Variants in TMEM254 observed in about 807,000 individuals in gnomAD.
The protein encoded by TMEM254 is transmembrane protein 254.
In TMEM254, 16 loss-of-function variants were observed where a neutral mutation model predicts 13.9. The ratio of observed to expected loss-of-function variants is 1.15; its 90% CI spans 0.78 to 1.75. TMEM254 has a LOEUF of 1.75. TMEM254 is among the 40% of genes most tolerant of loss of function. The probability of loss-of-function intolerance (pLI) is 0.00; values close to 1 mark genes in which losing one functional copy is unlikely to be tolerated. For missense variants in TMEM254, 155 were observed against 149.0 expected (o/e 1.04, Z -0.21); for synonymous variants, 61 against 56.4 (o/e 1.08, Z -0.36).
chr10:80,080,231 G>A (rs990873251), intron 1 of TMEM254, among the ~76,000 whole-genome samples: 1 of 152,254 alleles, frequency 6.6e-6, no homozygotes, highest in Non-Finnish European at 1.5e-5. Flanking sequence ...GGAGGATGCA[G>A]TGATATTTGT....
chr10:80,086,916 A>G (rs1844345312), intron 3 of TMEM254, among the ~76,000 whole-genome samples: 3 of 151,868 alleles, frequency 2.0e-5, no homozygotes. Flanking sequence ...ATATACATAT[A>G]GATATAATCT....
At chr10:80,078,882 C>T (rs1051707491) in intron 1 of TMEM254, 96 bp downstream of exon 1, 3 of 1,529,722 alleles carry the variant, frequency 2.0e-6, no homozygotes, top group African/African-American at 2.8e-5. Flanking sequence ...CGGGGGAAGT[C>T]GTGCAAGCAC....
intron 2 of TMEM254, 30 bp from the exon 3 acceptor site, chr10:80,082,115 A>T: frequency 6.2e-7 from 1 of 1,613,314 alleles, no homozygotes; most frequent in Non-Finnish European, 8.5e-7. Context: ...CTATCACCTT[A>T]AAAAAGATTA....
At chr10:80,079,474 G>A in intron 1 of TMEM254, 1 of 1,036,612 alleles carries the variant, frequency 9.6e-7, no homozygotes, top group African/African-American at 1.7e-5. Flanking sequence ...TCAGAATAGG[G>A]CTTCCGAAGC....
intron 1 of TMEM254, among the ~76,000 whole-genome samples, chr10:80,080,320 T>TA (rs1717221809): frequency 2.0e-5 from 3 of 152,212 alleles, no homozygotes; most frequent in Admixed American, 6.5e-5. Context: ...AATGGGACAA[T>TA]ACATTTTGAA....
chr10:80,078,729 T>G lies in TMEM254; in HGVS notation c.30T>G (p.Phe10Leu), dbSNP rs751902920. Residue 10 changes from phenylalanine (F) to leucine (L), a missense_variant, in exon 1 of 4, where the codon TTT becomes TTG. By Grantham distance (22) the Phe-to-Leu change is conservative. Transcript: ENST00000372281. MATAAGATY[F>L]QRGSLFWFTV... ...CTACGGCAGCCGGCGCGACCTACTT[T>G]CAGCGAGGCAGTCTGTTCTGGTTCA... The G allele has an allele frequency of 3.7e-6, 6 of 1,607,888 alleles. No individual in the cohort carries two copies. The highest frequency in any genetic ancestry group is 5.1e-6 in the Non-Finnish European group (6 of 1,177,924).
At chr10:80,088,767 CAAAAA>C (rs10670160) in intron 3 of TMEM254, among the ~76,000 whole-genome samples, 1 of 118,358 alleles carries the variant, frequency 8.4e-6, no homozygotes. Context: ...GACTCCGTCT[CAAAAA>C]AAAAAAAAAA....
intron 3 of TMEM254, among the ~76,000 whole-genome samples, chr10:80,087,236 T>TA: frequency 6.6e-6 from 1 of 152,210 alleles, no homozygotes; most frequent in East Asian, 1.9e-4. Flanking sequence ...AGTCTCTACT[T>TA]TTTTACTATT....
intron 1 of TMEM254, chr10:80,081,562 G>A: frequency 5.8e-6 from 5 of 869,490 alleles, no homozygotes; most frequent in Non-Finnish European, 8.9e-6. Context: ...CATCTACTTG[G>A]GAGGCTGAGG....
Position 80,081,880 on chromosome 10 carries a change from C to G in TMEM254, c.127C>G (p.Leu43Val), listed in dbSNP as rs765512675. 6.2e-7 allele frequency: 1 copy of G among 1,614,218 alleles called. No homozygotes were observed. Among genetic ancestry groups the G allele is most frequent in the Admixed American group, 1.7e-5 (1 of 60,024 alleles). The change falls in exon 2 of 4, where the codon CTT becomes GTT. Residue 43 changes from leucine (L) to valine (V), a missense_variant. Leu to Val is a conservative substitution (Grantham distance 32, BLOSUM62 1). Coordinates refer to ENST00000372281, the MANE Select transcript of TMEM254 (RefSeq NM_025125.4). Reference protein sequence around the residue: ...FWPQSIPYQNLGPLGPFTQYL... With the variant: ...FWPQSIPYQNVGPLGPFTQYL... ...GCCTCAGAGTATCCCTTATCAGAAC[C>G]TTGGGCCCCTGGGCCCCTTCACTCA...
chr10:80,084,754 A>G (rs1270935601), intron 3 of TMEM254, among the ~76,000 whole-genome samples: 1 of 152,204 alleles, frequency 6.6e-6, no homozygotes, highest in African/African-American at 2.4e-5. Flanking sequence ...GGAGTGCGTG[A>G]CACCTATTTT....
At chr10:80,081,320 C>G (rs1844009904) in intron 1 of TMEM254, among the ~76,000 whole-genome samples, 1 of 152,052 alleles carries the variant, frequency 6.6e-6, no homozygotes, top group South Asian at 2.1e-4. Flanking sequence ...GGCACTGAGT[C>G]TGATAACCAC....
chr10:80,088,501 A>G (rs1033907792), intron 3 of TMEM254, among the ~76,000 whole-genome samples: 5 of 151,712 alleles, frequency 3.3e-5, no homozygotes, highest in African/African-American at 1.2e-4. Flanking sequence ...AGTCTTCTAA[A>G]TGATGAAATG....
At chr10:80,079,416 C>G (rs1378984432) in intron 1 of TMEM254, 4 of 1,073,718 alleles carry the variant, frequency 3.7e-6, no homozygotes, top group Non-Finnish European at 4.5e-6. Context: ...GCCTAAGCCT[C>G]TCACGAAGCG....
intron 3 of TMEM254, 135 bp from the exon 4 acceptor site, chr10:80,090,662 A>G: frequency 1.3e-6 from 1 of 782,562 alleles, no homozygotes; most frequent in Non-Finnish European, 2.0e-6. Flanking sequence ...AAGATAAGCC[A>G]GAGAAAAGCA....
At chr10:80,090,380 A>G (rs888423599) in intron 3 of TMEM254, 2 of 717,550 alleles carry the variant, frequency 2.8e-6, no homozygotes, top group Non-Finnish European at 5.2e-6. Context: ...TGTTTTTCAG[A>G]TGAGAAAACT....
Position 80,091,049 on chromosome 10 carries a change from C to G in TMEM254, c.*132C>G, listed in dbSNP as rs1844558044. ...ACTGTCCTTCAAAGCTCTTTAAGAC[C>G]CCCTCGTTAGTCAGTTTTTTCTCTT... On this transcript the variant is annotated 3_prime_UTR_variant, in exon 4 of 4. Coordinates refer to ENST00000372281, the MANE Select transcript of TMEM254 (RefSeq NM_025125.4). The G allele has an allele frequency of 8.3e-7, 1 of 1,199,724 alleles. No individual in the cohort carries two copies. Among genetic ancestry groups the G allele is most frequent in the Non-Finnish European group, 1.1e-6 (1 of 870,578 alleles). The allele number at this position is 1,199,724 out of a possible 1,614,324, so 74.3% of individuals were successfully genotyped here.
At chr10:80,079,065 G>A in intron 1 of TMEM254, 1 of 1,460,550 alleles carries the variant, frequency 6.8e-7, no homozygotes, top group Non-Finnish European at 9.2e-7. Context: ...AGCCAACTCT[G>A]TGTCTGGGTT....
chr10:80,079,623 G>A, intron 1 of TMEM254: 1 of 986,792 alleles, frequency 1.0e-6, no homozygotes, highest in Non-Finnish European at 1.2e-6. Flanking sequence ...GCTGTACCTA[G>A]AAAAAGAGCG....
Sources: gnomAD v4.1 joint callset for allele counts (sites outside exome capture counted in the v4.1 genomes callset) on GRCh38, gnomAD v4.1.1 for gene constraint, MANE v1.5 for transcripts, NCBI Gene and HGNC (gene_info 2026-07-23, HGNC 2026-07-21) for gene names.